The following GABRB2 variants were observed in gnomAD, a reference collection of about 807,000 sequenced individuals.
GABRB2 encodes the protein gamma-aminobutyric acid receptor subunit beta-2.
A neutral mutation model predicts 54.7 loss-of-function variants in GABRB2; 16 were observed. That is an observed-to-expected ratio of 0.29 (90% CI 0.20 to 0.44). The LOEUF (loss-of-function observed/expected upper bound fraction) is 0.44, where lower values mean the gene tolerates loss of function less well. Ranked by LOEUF, GABRB2 falls within the 20% of genes least tolerant of loss-of-function variation. The pLI is 1.00. For synonymous variants in GABRB2, 244 were observed against 233.8 expected, an observed-to-expected ratio of 1.04 and a Z score of -0.40; for missense variants, 355 against 644.0, an observed-to-expected ratio of 0.55 and a Z score of 4.86.
chr5:161,396,396 T>C (rs2113061269), intron 5 of GABRB2, among the ~76,000 whole-genome samples: 1 of 152,334 alleles, frequency 6.6e-6, no homozygotes, highest in South Asian at 2.1e-4. Context: ...TCTTTTTCTT[T>C]CTGGAAAAAT....
chr5:161,452,592 A>G (rs1401532145), intron 4 of GABRB2, among the ~76,000 whole-genome samples: 2 of 152,096 alleles, frequency 1.3e-5, no homozygotes, highest in Non-Finnish European at 2.9e-5. Context: ...TCTGCTTTCT[A>G]TTTAATATTT....
chr5:161,393,118 G>T (rs776839727), intron 5 of GABRB2, among the ~76,000 whole-genome samples: 1 of 151,170 alleles, frequency 6.6e-6, no homozygotes, highest in Non-Finnish European at 1.5e-5. Flanking sequence ...AAAGGTATCT[G>T]GTTGAAAATT....
chr5:161,474,965 G>C (rs1758551882), intron 3 of GABRB2, among the ~76,000 whole-genome samples: 1 of 151,782 alleles, frequency 6.6e-6, no homozygotes, highest in African/African-American at 2.4e-5. Context: ...GACTAAACGT[G>C]ACCACCAAAT....
intron 5 of GABRB2, among the ~76,000 whole-genome samples, chr5:161,373,305 C>A (rs2113471136): frequency 6.6e-6 from 1 of 152,268 alleles, no homozygotes; most frequent in East Asian, 1.9e-4. Context: ...CTGTGACTTG[C>A]AGAAGCATTT....
intron 3 of GABRB2, among the ~76,000 whole-genome samples, chr5:161,495,559 C>T (rs1258588938): frequency 4.0e-5 from 6 of 151,756 alleles, no homozygotes; most frequent in African/African-American, 1.5e-4. Flanking sequence ...ATCAAGGTAT[C>T]CCTGAGAAAT....
intron 4 of GABRB2, among the ~76,000 whole-genome samples, chr5:161,447,630 A>G (rs1757673465): frequency 6.6e-6 from 1 of 152,104 alleles, no homozygotes; most frequent in African/African-American, 2.4e-5. Flanking sequence ...TCATTAACCT[A>G]TTACACCGGT....
At chr5:161,460,274 G>A (rs1276890381) in intron 3 of GABRB2, among the ~76,000 whole-genome samples, 30 of 127,978 alleles carry the variant, frequency 2.3e-4, no homozygotes, top group East Asian at 7.6e-4. Flanking sequence ...ATATATGTGT[G>A]TGTGTGTGTG....
intron 5 of GABRB2, among the ~76,000 whole-genome samples, chr5:161,365,834 A>G (rs959716623): frequency 2.0e-5 from 3 of 152,234 alleles, no homozygotes; most frequent in African/African-American, 7.2e-5. Context: ...CAGCAGTGTA[A>G]TGAAGACATT....
intron 3 of GABRB2, among the ~76,000 whole-genome samples, chr5:161,485,529 A>G (rs1357931843): frequency 6.6e-6 from 1 of 151,900 alleles, no homozygotes; most frequent in Non-Finnish European, 1.5e-5. Flanking sequence ...TACTGAATAA[A>G]CAGGTCTTCC....
In GABRB2 at chr5:161,293,978, C is replaced by A. The variant is rs188029669; in HGVS notation, c.*103G>T. On this transcript the variant is annotated 3_prime_UTR_variant, in exon 10 of 10. Coordinates refer to ENST00000393959, the MANE Select transcript of GABRB2 (RefSeq NM_001371727.1). ...TAGGCCAGCAACTAAGGTATTTTAG[C>A]GTCACTTTTGTCCTGGATTGATGTG... The A allele has an allele frequency of 3.4e-6, 3 of 880,012 alleles. No homozygotes were observed. In the South Asian group the frequency reaches 5.2e-5, roughly 15 times the overall value. 54.5% of individuals were successfully genotyped at this position (880,012 alleles called of 1,614,324 possible). A position where few individuals can be genotyped will look rare whatever the true frequency, so the allele number is the denominator to read the frequency against.
At chr5:161,516,178 C>A (rs964512120) in intron 3 of GABRB2, among the ~76,000 whole-genome samples, 1 of 152,116 alleles carries the variant, frequency 6.6e-6, no homozygotes, top group African/African-American at 2.4e-5. Context: ...AAATTAAAGA[C>A]TTTTTTTACT....
chr5:161,396,465 A>G (rs1333761039), intron 5 of GABRB2, among the ~76,000 whole-genome samples: 1 of 152,238 alleles, frequency 6.6e-6, no homozygotes, highest in Non-Finnish European at 1.5e-5. Flanking sequence ...TAAAACGAGA[A>G]TAACAAACCC....
chr5:161,493,890 C>A (rs553368004), intron 3 of GABRB2, among the ~76,000 whole-genome samples: 6 of 151,764 alleles, frequency 4.0e-5, no homozygotes, highest in African/African-American at 1.4e-4. Flanking sequence ...AATGCATTTG[C>A]TAATGTTGAA....
intron 3 of GABRB2, among the ~76,000 whole-genome samples, chr5:161,520,720 A>G (rs1186118487): frequency 6.6e-6 from 1 of 152,062 alleles, no homozygotes; most frequent in East Asian, 1.9e-4. Flanking sequence ...GGTTCACAAA[A>G]ATGCATATAC....
intron 3 of GABRB2, among the ~76,000 whole-genome samples, chr5:161,462,285 C>T (rs978775081): frequency 6.6e-6 from 1 of 152,108 alleles, no homozygotes; most frequent in African/African-American, 2.4e-5. Flanking sequence ...TCTAGAGGAG[C>T]ATGTTAATTT....
At chr5:161,365,070 G>C (rs1177920452) in intron 5 of GABRB2, among the ~76,000 whole-genome samples, 1 of 152,114 alleles carries the variant, frequency 6.6e-6, no homozygotes, top group Non-Finnish European at 1.5e-5. Context: ...ACTGAGAAAG[G>C]CTCAAGCTAC....
chr5:161,528,471 T>C (rs1760352310), intron 3 of GABRB2, among the ~76,000 whole-genome samples: 1 of 151,880 alleles, frequency 6.6e-6, no homozygotes, highest in African/African-American at 2.4e-5. Context: ...ATTTTCATAA[T>C]TTCTAAATAT....
chr5:161,397,924 A>G (rs1467709020), intron 5 of GABRB2, among the ~76,000 whole-genome samples: 1 of 152,092 alleles, frequency 6.6e-6, no homozygotes, highest in Non-Finnish European at 1.5e-5. Context: ...TTTTATTCTC[A>G]TAGGGTAGAT....
chr5:161,403,641 A>C (rs1756268228), intron 5 of GABRB2, among the ~76,000 whole-genome samples: 1 of 152,152 alleles, frequency 6.6e-6, no homozygotes, highest in Admixed American at 6.6e-5. Context: ...CGTGTAAAAT[A>C]ACTTAAATTT....
Sources: allele counts gnomAD v4.1 joint callset (sites outside exome capture counted in the v4.1 genomes callset), GRCh38; gene constraint gnomAD v4.1.1; transcripts MANE v1.5; gene names NCBI Gene and HGNC (gene_info 2026-07-23, HGNC 2026-07-21).